Variants in ZNF430 observed in about 807,000 individuals in gnomAD.
ZNF430 encodes the protein zinc finger protein 430.
ZNF430 carries 35 observed loss-of-function variants against 56.7 expected under a neutral mutation model. The ratio of observed to expected loss-of-function variants is 0.62; its 90% CI spans 0.47 to 0.82. The LOEUF (loss-of-function observed/expected upper bound fraction) is 0.82, where lower values mean the gene tolerates loss of function less well. ZNF430 is among the 40% of genes least tolerant of loss of function. The pLI, the probability that ZNF430 is intolerant of heterozygous loss-of-function variation, is 0.00. For missense variants in ZNF430, 574 were observed against 661.0 expected (o/e 0.87, Z 1.44); for synonymous variants, 212 against 224.3 (o/e 0.94, Z 0.49).
chr19:21,053,055 G>A (rs1049253656), intron 4 of ZNF430, among the ~76,000 whole-genome samples: 2 of 152,104 alleles, frequency 1.3e-5, no homozygotes, highest in African/African-American at 2.4e-5. Context: ...GTTGCATTTT[G>A]TTGCAGCCCA....
chr19:21,025,936 G>T, intron 2 of ZNF430: 1 of 421,322 alleles, frequency 2.4e-6, no homozygotes. Context: ...TGAAGTTTCT[G>T]TCATTGAGAA....
Position 21,052,889 on chromosome 19 carries a change from A to G in ZNF430, c.323-3742A>G, listed in dbSNP as rs376750111. Among the ~76,000 whole-genome samples, 58 of 152,272 alleles carry G rather than the reference A, an allele frequency of 3.8e-4. 1 individual carries two copies. Among genetic ancestry groups the G allele is most frequent in the African/African-American group, 1.2e-3 (49 of 41,556 alleles). ...GGTCTTGCAAGATTGAGTGTCTGGC[A>G]TACAGGCACACGCAGCACAGTTTCA... is the stretch of plus-strand genomic sequence containing the variant. On this transcript the variant is annotated intron_variant, in intron 4 of 4. Coordinates refer to ENST00000261560, the MANE Select transcript of ZNF430 (RefSeq NM_025189.4).
chr19:21,034,368 G>T lies in ZNF430; in HGVS notation c.322+184G>T, dbSNP rs1599495157. The T allele has an allele frequency of 3.5e-5, 16 of 458,046 alleles. No individual in the cohort carries two copies. The South Asian group carries it at 5.9e-4, about 17-fold the overall frequency. 28.4% of individuals were successfully genotyped at this position (458,046 alleles called of 1,614,324 possible). Reference sequence around the variant, plus strand: ...TCTGTCTTATGCTTTTAAATTCAAGGATTCTTTCCCCTTGGTGATCTCCCT... The same window carrying T: ...TCTGTCTTATGCTTTTAAATTCAAGTATTCTTTCCCCTTGGTGATCTCCCT... On this transcript the variant is annotated intron_variant, in intron 4 of 4. Coordinates refer to ENST00000261560, the MANE Select transcript of ZNF430 (RefSeq NM_025189.4).
chr19:21,023,876 A>G (rs1459715772), intron 2 of ZNF430, among the ~76,000 whole-genome samples: 4 of 152,202 alleles, frequency 2.6e-5, no homozygotes, highest in Non-Finnish European at 5.9e-5. Flanking sequence ...ATGATTCTTA[A>G]TGGAATTCAT....
rs1968440645 is a variant in ZNF430, at chr19:21,059,861, A to G, written c.*1840A>G. The G allele has an allele frequency of 6.6e-6, 1 of 152,174 alleles. No homozygotes were observed. Among genetic ancestry groups the G allele is most frequent in the Non-Finnish European group, 1.5e-5 (1 of 68,028 alleles). 9.4% of individuals were successfully genotyped at this position (152,174 alleles called of 1,614,324 possible). A position where few individuals can be genotyped will look rare whatever the true frequency, so the allele number is the denominator to read the frequency against. ...GTAAGGACATTAAAATGTAAGATGC[A>G]TGATGAAAAATTAAGTGAAGAGGCT... is the stretch of plus-strand genomic sequence containing the variant. On this transcript the variant is annotated 3_prime_UTR_variant, in exon 5 of 5. Coordinates refer to ENST00000261560, the MANE Select transcript of ZNF430 (RefSeq NM_025189.4).
At chr19:21,026,085 GA>G (rs1211119242) in intron 2 of ZNF430, 1 of 265,336 alleles carries the variant, frequency 3.8e-6, no homozygotes, top group East Asian at 1.3e-4. Flanking sequence ...TCACCATGTT[GA>G]CCAGGATGGT....
At chr19:21,023,057 T>C (rs1287004652) in intron 2 of ZNF430, among the ~76,000 whole-genome samples, 176 bp downstream of exon 2, 3 of 151,880 alleles carry the variant, frequency 2.0e-5, no homozygotes, top group African/African-American at 7.3e-5. Context: ...AGTAAAATAG[T>C]GGAAAAAAGT....
intron 4 of ZNF430, among the ~76,000 whole-genome samples, chr19:21,038,909 AC>A (rs1310547040): frequency 2.6e-5 from 4 of 152,186 alleles, no homozygotes; most frequent in African/African-American, 7.2e-5. Flanking sequence ...TGACAACTTA[AC>A]TAAATTAAAC....
intron 2 of ZNF430, among the ~76,000 whole-genome samples, chr19:21,031,175 C>T (rs1484904982): frequency 2.0e-5 from 3 of 152,174 alleles, no homozygotes; most frequent in Non-Finnish European, 2.9e-5. Context: ...TGAGCCACCG[C>T]GCCCGGCCTC....
intron 4 of ZNF430, among the ~76,000 whole-genome samples, chr19:21,042,015 G>C (rs1247318005): frequency 6.6e-6 from 1 of 152,084 alleles, no homozygotes; most frequent in Non-Finnish European, 1.5e-5. Flanking sequence ...CCCAGCCCAT[G>C]TGTTCTTATT....
intron 4 of ZNF430, 95 bp from the exon 5 acceptor site, chr19:21,056,536 T>G: frequency 1.1e-6 from 1 of 922,724 alleles, no homozygotes; most frequent in Non-Finnish European, 1.5e-6. Flanking sequence ...TGCCATCTTG[T>G]TTATGTAGTT....
At chr19:21,055,202 GATAA>G (rs976399472) in intron 4 of ZNF430, among the ~76,000 whole-genome samples, 50 of 151,336 alleles carry the variant, frequency 3.3e-4, no homozygotes, top group African/African-American at 1.2e-3. Flanking sequence ...TTATATTTTT[GATAA>G]AACCATATTG....
intron 4 of ZNF430, chr19:21,034,644 TCTC>T (rs963017365): frequency 3.9e-5 from 6 of 152,728 alleles, no homozygotes; most frequent in African/African-American, 1.5e-4. Flanking sequence ...TTCAAGCAAT[TCTC>T]CTGCCTCAGC....
intron 2 of ZNF430, among the ~76,000 whole-genome samples, chr19:21,024,975 A>G (rs918743385): frequency 9.9e-5 from 15 of 152,274 alleles, no homozygotes; most frequent in African/African-American, 3.4e-4. Context: ...ACTGAAGACA[A>G]ATTCAGCTGA....
chr19:21,040,714 T>C (rs1223461005), intron 4 of ZNF430, among the ~76,000 whole-genome samples: 1 of 152,228 alleles, frequency 6.6e-6, no homozygotes, highest in Non-Finnish European at 1.5e-5. Flanking sequence ...TTATCTAAAT[T>C]TTCTATTTAT....
intron 2 of ZNF430, among the ~76,000 whole-genome samples, chr19:21,027,826 T>TCGCCAGGC (rs1967831795): frequency 1.3e-5 from 2 of 152,112 alleles, no homozygotes; most frequent in Admixed American, 1.3e-4. Context: ...GAGCTTGTTA[T>TCGCCAGGC]TGGTCTATTC....
chr19:21,041,383 C>G (rs913568978), intron 4 of ZNF430, among the ~76,000 whole-genome samples: 26 of 152,304 alleles, frequency 1.7e-4, no homozygotes, highest in African/African-American at 5.5e-4. Context: ...ATCAGCCCCT[C>G]TGGGCCTCCC....
intron 4 of ZNF430, among the ~76,000 whole-genome samples, chr19:21,044,146 C>A (rs2358795): frequency 2.6e-5 from 4 of 151,408 alleles, no homozygotes; most frequent in African/African-American, 7.3e-5. Context: ...GAGAGAGGGC[C>A]TTCTTGTTGT....
rs747809260 is a variant in ZNF430, at chr19:21,026,827, C to CTTTTTTTTTTTTTTTTTT, written c.96+3952_96+3969dup. On this transcript the variant is annotated intron_variant, in intron 2 of 4. Coordinates refer to ENST00000261560, the MANE Select transcript of ZNF430 (RefSeq NM_025189.4). ...TTGGATGCCTTTTTTCTTTTCTTTTCTTTTTTTTTTTTTTTTTTTTTTTGA... is the reference window on the plus strand; with the variant it reads ...TTGGATGCCTTTTTTCTTTTCTTTTCTTTTTTTTTTTTTTTTTTTTTTTTTTTTTTTTTTTTTTTTTGA... Among the ~76,000 whole-genome samples the CTTTTTTTTTTTTTTTTTT allele has an allele frequency of 2.3e-3, 155 of 68,730 alleles. 14 individuals carry two copies. The highest frequency in any genetic ancestry group is 2.6e-3 in the Admixed American group (10 of 3,806). The allele number at this position is 68,730 out of a possible 152,430, so 45.1% of individuals were successfully genotyped here.
Sources: allele counts gnomAD v4.1 joint callset (sites outside exome capture counted in the v4.1 genomes callset), GRCh38; gene constraint gnomAD v4.1.1; transcripts MANE v1.5; gene names NCBI Gene and HGNC (gene_info 2026-07-23, HGNC 2026-07-21).